The following DSPP variants were observed in gnomAD, a reference collection of about 807,000 sequenced individuals.
DSPP encodes the protein dentin sialophosphoprotein.
A neutral mutation model predicts 29.1 loss-of-function variants in DSPP; 28 were observed. The ratio of observed to expected loss-of-function variants is 0.96; its 90% CI spans 0.71 to 1.32. The LOEUF (loss-of-function observed/expected upper bound fraction) is 1.32, where lower values mean the gene tolerates loss of function less well. DSPP is among the 40% of genes most tolerant of loss of function. DSPP has a pLI of 0.00. For missense variants in DSPP, 1,281 were observed against 1,629.9 expected (o/e 0.79, Z 3.69); for synonymous variants, 481 against 503.4 (o/e 0.96, Z 0.60).
rs376633615 is a variant in DSPP at position 87,612,912 on chromosome 4, C to T, written c.726C>T (p.Ser242=). 1.3e-5 allele frequency: 21 copies of T among 1,613,922 alleles called. No homozygotes were observed. The highest frequency in any genetic ancestry group is 5.3e-5 in the African/African-American group (4 of 74,878). The change falls in exon 4 of 5, where the codon TCC becomes TCT. Residue 242 remains serine, a synonymous_variant. Transcript: ENST00000651931. The stretch of plus-strand genomic sequence containing the variant: ...GAGAAGATGCTGGCCTGGATAATTC[C>T]GATGGGAGTCCTAGTGGGAATGGAG... ...GTGEDAGLDN[S]DGSPSGNGAD... is the part of the protein sequence containing the mutation.
Position 87,614,632 on chromosome 4 carries a change from G to GTGA in DSPP, c.1970_1971insTGA (p.Asp658dup). The GTGA allele has an allele frequency of 6.5e-7, 1 of 1,544,868 alleles. No homozygotes were observed. Among genetic ancestry groups the GTGA allele is most frequent in the Non-Finnish European group, 8.8e-7 (1 of 1,141,790 alleles). ...GACAGTAGTGACAACAGTGATAGCA[G>GTGA]CGACAGCAGCAATAGCAGTAACAGC... On this transcript the variant is annotated inframe_insertion, in exon 5 of 5. Coordinates refer to ENST00000651931, the MANE Select transcript of DSPP (RefSeq NM_014208.3).
At position 87,614,861 on chromosome 4, in the gene DSPP, TAGCAGTGACAGCAGCAACAGCAGTGAC is replaced by T. The variant is rs1560478906; in HGVS notation, c.2208_2234del (p.Asn739_Ser747del). On this transcript the variant is annotated inframe_deletion, in exon 5 of 5. Transcript: ENST00000651931. Reference sequence around the variant, plus strand: ...ATAGTGACAGCAGCAACAGCAGCGATAGCAGTGACAGCAGCAACAGCAGTGACAGCAGTGATAGCAGTGACAGCAGCA... The same window carrying T: ...ATAGTGACAGCAGCAACAGCAGCGATAGCAGTGATAGCAGTGACAGCAGCA... 38 of 1,549,874 alleles carry T rather than the reference TAGCAGTGACAGCAGCAACAGCAGTGAC, an allele frequency of 2.5e-5. No homozygotes were observed. In the East Asian group the frequency reaches 4.9e-4, roughly 20 times the overall value.
At position 87,616,232 on chromosome 4, in the gene DSPP, TGACAGCAGCGACAGCAGC is replaced by T; in HGVS notation, c.3573_3590del (p.Ser1226_Ser1231del). Reference sequence around the variant, plus strand: ...ATAGCAGCGACAGCAGTGATAGCAGTGACAGCAGCGACAGCAGCGATAGCAGCGACAGCAGCGATAGTA... The same window carrying T: ...ATAGCAGCGACAGCAGTGATAGCAGTGATAGCAGCGACAGCAGCGATAGTA... On this transcript the variant is annotated inframe_deletion, in exon 5 of 5. Transcript: ENST00000651931. 1 of 1,235,470 alleles carries T rather than the reference TGACAGCAGCGACAGCAGC, an allele frequency of 8.1e-7. No homozygotes were observed. The highest frequency in any genetic ancestry group is 1.3e-5 in the South Asian group (1 of 75,270). The allele number at this position is 1,235,470 out of a possible 1,614,324, so 76.5% of individuals were successfully genotyped here. A position where few individuals can be genotyped will look rare whatever the true frequency, so the allele number is the denominator to read the frequency against.
Position 87,613,776 on chromosome 4 carries a change from C to T in DSPP, c.1123-9C>T, listed in dbSNP as rs201624410. 6 of 1,614,146 alleles carry T rather than the reference C, an allele frequency of 3.7e-6. No individual in the cohort carries two copies. Among genetic ancestry groups the T allele is most frequent in the Admixed American group, 1.7e-5 (1 of 60,022 alleles). ...CTAGTTAATCATTCTTTCCTCCATC[C>T]TTCCATAGGGAATAGAAATCAAGGG... On this transcript the variant is annotated splice_polypyrimidine_tract_variant and intron_variant, in intron 4 of 4. Transcript: ENST00000651931.
intron 1 of DSPP, 136 bp from the exon 2 acceptor site, chr4:87,610,745 C>A: frequency 1.5e-6 from 1 of 653,690 alleles, no homozygotes; most frequent in Non-Finnish European, 2.7e-6. Context: ...ATGTTCTGGA[C>A]CATCGTATGT....
rs767828584 is a variant in DSPP, at chr4:87,613,813, G to A, written c.1151G>A (p.Gly384Asp). 1.5e-5 allele frequency: 25 copies of A among 1,614,158 alleles called. No individual in the cohort carries two copies. The South Asian group carries it at 2.7e-4, about 18-fold the overall frequency. The change falls in exon 5 of 5, where the codon GGC becomes GAC. Residue 384 changes from glycine (G) to aspartate (D), a missense_variant. This residue lies in a region of DSPP where 631 missense variants were observed against 643.2 expected (regional missense o/e 0.98). Coordinates refer to ENST00000651931, the MANE Select transcript of DSPP (RefSeq NM_014208.3). ...ATAGAAATCAAGGGTCCCAGCAGTG[G>A]CAACAGAAATATTACCAAAGAAGTT... ...KGIEIKGPSS[G>D]NRNITKEVGK... is the part of the protein sequence containing the mutation.
chr4:87,616,133 CGACAGCAGT>C lies in DSPP; in HGVS notation c.3480_3488del (p.Asp1176_Ser1178del), dbSNP rs1398889503. Reference sequence around the variant, plus strand: ...AAAGCAGCGACAGCAGTGACAGCAGCGACAGCAGTGACAGCAGCGATAGCAGCGACAGCA... The same window carrying C: ...AAAGCAGCGACAGCAGTGACAGCAGCGACAGCAGCGATAGCAGCGACAGCA... On this transcript the variant is annotated inframe_deletion, in exon 5 of 5. Coordinates refer to ENST00000651931, the MANE Select transcript of DSPP (RefSeq NM_014208.3). 27 of 1,531,272 alleles carry C rather than the reference CGACAGCAGT, an allele frequency of 1.8e-5. 4 individuals carry two copies. The highest frequency in any genetic ancestry group is 6.1e-5 in the Admixed American group (3 of 48,804). 94.9% of individuals were successfully genotyped at this position (1,531,272 alleles called of 1,614,324 possible). A position where few individuals can be genotyped will look rare whatever the true frequency, so the allele number is the denominator to read the frequency against.
At position 87,610,900 on chromosome 4, in the gene DSPP, C is replaced by T. The variant is rs1468931178; in HGVS notation, c.-9C>T. ...ATACAGCCATTGATTATTATTATTC[C>T]TAAAGAAAATGAAGATAATTACATA... On this transcript the variant is annotated 5_prime_UTR_variant, in exon 2 of 5. Transcript: ENST00000651931. The T allele has an allele frequency of 6.2e-7, 1 of 1,610,602 alleles. No homozygotes were observed. The highest frequency in any genetic ancestry group is 8.5e-7 in the Non-Finnish European group (1 of 1,177,132).
chr4:87,612,092 T>C lies in DSPP; in HGVS notation c.52-13T>C, dbSNP rs781661665. ...AAGAACCTTTTCAATAGCCAGTATT[T>C]TCTACTTGGCAGGTTCCTCAAAGCA... is the stretch of plus-strand genomic sequence containing the variant. On this transcript the variant is annotated splice_polypyrimidine_tract_variant and intron_variant, in intron 2 of 4. Transcript: ENST00000651931. 3.7e-6 allele frequency: 6 copies of C among 1,613,132 alleles called. No individual in the cohort carries two copies. The South Asian group carries it at 5.5e-5, about 15-fold the overall frequency.
rs372115078 is a variant in DSPP, at chr4:87,616,181, T to C, written c.3519T>C (p.Asp1173=). Residue 1173 remains aspartate, a synonymous_variant, in exon 5 of 5, where the codon GAT becomes GAC. Transcript: ENST00000651931. ...SDSSDSSDSS[D]SSDSSNSSDS... ...GCAGCGACAGCAGCGACAGCAGCGA[T>C]AGCAGTGACAGCAGCAATAGCAGTG... 218 of 1,478,270 alleles carry C rather than the reference T, an allele frequency of 1.5e-4. 11 individuals are homozygous for C. The highest frequency in any genetic ancestry group is 6.3e-4 in the Admixed American group (29 of 45,948). 91.6% of individuals were successfully genotyped at this position (1,478,270 alleles called of 1,614,324 possible).
rs747384492 is a variant in DSPP at position 87,610,940 on chromosome 4, C to A, written c.32C>A (p.Ala11Glu). Residue 11 changes from alanine to glutamate, a missense_variant, in exon 2 of 5, where the codon GCA (alanine) becomes GAA (glutamate). By Grantham distance (107) the Ala-to-Glu change is moderately radical. This residue lies in a region of DSPP where 631 missense variants were observed against 643.2 expected (regional missense o/e 0.98). Transcript: ENST00000651931. MKIITYFCIWAVAWAIPVPQS... is the reference protein window; with the variant it reads MKIITYFCIWEVAWAIPVPQS... The stretch of plus-strand genomic sequence containing the variant: ...ATAATTACATATTTTTGCATTTGGG[C>A]AGTAGCATGGGCCATTCCAGTAAGT... 1.9e-5 allele frequency: 30 copies of A among 1,613,250 alleles called. No individual in the cohort carries two copies. The South Asian group carries it at 3.1e-4, about 17-fold the overall frequency.
In DSPP at chr4:87,612,858, T is replaced by C; in HGVS notation, c.672T>C (p.Thr224=). 2 of 1,614,106 alleles carry C rather than the reference T, an allele frequency of 1.2e-6. No homozygotes were observed. The highest frequency in any genetic ancestry group is 1.7e-6 in the Non-Finnish European group (2 of 1,180,004). ...TPQINSKRNG[T]KEAEVTPGTG... ...AGATCAACAGCAAGAGAAATGGGACTAAGGAAGCTGAGGTAACACCAGGCA... is the reference window on the plus strand; with the variant it reads ...AGATCAACAGCAAGAGAAATGGGACCAAGGAAGCTGAGGTAACACCAGGCA... Residue 224 remains threonine, a synonymous_variant, in exon 4 of 5, where the codon ACT becomes ACC. Transcript: ENST00000651931.
rs766841613 is a variant in DSPP at position 87,616,593 on chromosome 4, C to T, written c.*25C>T. 3.9e-6 allele frequency: 6 copies of T among 1,551,660 alleles called. No individual in the cohort carries two copies. The highest frequency in any genetic ancestry group is 5.2e-6 in the Non-Finnish European group (6 of 1,146,990). On this transcript the variant is annotated 3_prime_UTR_variant, in exon 5 of 5. Coordinates refer to ENST00000651931, the MANE Select transcript of DSPP (RefSeq NM_014208.3). ...GAACAAAAGAAAAACCCGTAAGATT[C>T]CTTTTGTGAAAAGTTTGGTAATGGG...
Position 87,615,838 on chromosome 4 carries a change from A to G in DSPP, c.3176A>G (p.Asp1059Gly), listed in dbSNP as rs369357199. 45 of 1,549,228 alleles carry G rather than the reference A, an allele frequency of 2.9e-5. No homozygotes were observed. In the African/African-American group the frequency reaches 4.5e-4, roughly 16 times the overall value. Residue 1059 changes from aspartate to glycine, a missense_variant, in exon 5 of 5, where the codon GAC (aspartate) becomes GGC (glycine). By Grantham distance (94) the Asp-to-Gly change is moderately conservative. Transcript: ENST00000651931. ...AGCAGTGACAGCAGCAATAGCAGTG[A>G]CAGCAGTGACAGCAGCGACAGCAGT... ...SDSSDSSNSS[D>G]SSDSSDSSDS... is the part of the protein sequence containing the mutation.
rs779961753 is a variant in DSPP at position 87,612,678 on chromosome 4, T to G, written c.492T>G (p.Asn164Lys). 1 of 1,613,952 alleles carries G rather than the reference T, an allele frequency of 6.2e-7. No individual in the cohort carries two copies. ...TNGNTDKNTQ[N>K]GDVGDAGHNE... ...GAAATACTGATAAGAATACCCAAAATGGGGATGTTGGCGATGCAGGTCACA... is the reference window on the plus strand; with the variant it reads ...GAAATACTGATAAGAATACCCAAAAGGGGGATGTTGGCGATGCAGGTCACA... Residue 164 changes from asparagine to lysine, a missense_variant, in exon 4 of 5, where the codon AAT becomes AAG. This residue lies in a region of DSPP where 631 missense variants were observed against 643.2 expected (regional missense o/e 0.98). Transcript: ENST00000651931.
Position 87,616,385 on chromosome 4 carries a change from C to T in DSPP, c.3723C>T (p.Ser1241=), listed in dbSNP as rs1392652190. The part of the protein sequence containing the change: ...SNESSDSSDS[S]DSSDSSNSSD... Reference sequence around the variant, plus strand: ...AAAGCAGCGACAGCAGTGACAGCAGCGATAGCAGTGACAGCAGCAACAGCA... The same window carrying T: ...AAAGCAGCGACAGCAGTGACAGCAGTGATAGCAGTGACAGCAGCAACAGCA... The change falls in exon 5 of 5, where the codon AGC becomes AGT. Residue 1241 remains serine, a synonymous_variant. Coordinates refer to ENST00000651931, the MANE Select transcript of DSPP (RefSeq NM_014208.3). The T allele has an allele frequency of 6.6e-6, 10 of 1,518,056 alleles. No homozygotes were observed. Among genetic ancestry groups the T allele is most frequent in the Middle Eastern group, 1.7e-4 (1 of 5,918 alleles). The allele number at this position is 1,518,056 out of a possible 1,614,324, so 94.0% of individuals were successfully genotyped here.
In DSPP at chr4:87,613,900, A is replaced by G. The variant is rs1442000165; in HGVS notation, c.1238A>G (p.Asn413Ser). 3.1e-6 allele frequency: 5 copies of G among 1,614,104 alleles called. No homozygotes were observed. Among genetic ancestry groups the G allele is most frequent in the Non-Finnish European group, 4.2e-6 (5 of 1,180,048 alleles). ...CATGGAATGATCTTGGGCAAAGGCA[A>G]TGTCAAGACACAAGGAGAGGTTGTC... is the stretch of plus-strand genomic sequence containing the variant. ...GQHGMILGKG[N>S]VKTQGEVVNI... The change falls in exon 5 of 5, where the codon AAT becomes AGT. Residue 413 changes from asparagine to serine, a missense_variant. Transcript: ENST00000651931.
Position 87,616,693 on chromosome 4 carries a change from T to TG in DSPP, c.*130dup. 2.0e-6 allele frequency: 3 copies of TG among 1,473,864 alleles called. No homozygotes were observed. Among genetic ancestry groups the TG allele is most frequent in the Non-Finnish European group, 2.8e-6 (3 of 1,086,146 alleles). The allele number at this position is 1,473,864 out of a possible 1,614,324, so 91.3% of individuals were successfully genotyped here. On this transcript the variant is annotated 3_prime_UTR_variant, in exon 5 of 5. Coordinates refer to ENST00000651931, the MANE Select transcript of DSPP (RefSeq NM_014208.3). ...TAAGACGTATGTAAACAAAAACAAC[T>TG]GGGGGAATCAAATCAAACAGTTGGA...
Position 87,610,965 on chromosome 4 carries a change from T to G in DSPP, c.51+6T>G, listed in dbSNP as rs769956177. On this transcript the variant is annotated splice_donor_region_variant and intron_variant, in intron 2 of 4. Transcript: ENST00000651931. ...CAGTAGCATGGGCCATTCCAGTAAG[T>G]ATGCCTTTCTTAGAAAACCTCTTCA... 1 of 1,613,118 alleles carries G rather than the reference T, an allele frequency of 6.2e-7. No individual in the cohort carries two copies. The highest frequency in any genetic ancestry group is 8.5e-7 in the Non-Finnish European group (1 of 1,179,214).
Sources: gnomAD v4.1 joint callset for allele counts on GRCh38, gnomAD v4.1.1 for gene constraint, gnomAD v4.1.1 regional missense constraint, MANE v1.5 for transcripts, NCBI Gene and HGNC (gene_info 2026-07-23, HGNC 2026-07-21) for gene names.